The following TOLLIP variants were observed in gnomAD, a reference collection of about 807,000 sequenced individuals.
TOLLIP encodes the protein toll interacting protein, also known as toll-interacting protein.
Under a neutral mutation model 33.5 loss-of-function variants are expected in TOLLIP, and 16 were observed. The observed-to-expected ratio is 0.48, with a 90% CI of 0.32 to 0.72. The LOEUF (loss-of-function observed/expected upper bound fraction) is 0.72. TOLLIP is among the 30% of genes least tolerant of loss of function. The pLI is 0.03. For missense variants in TOLLIP, 325 were observed against 396.6 expected (o/e 0.82, Z 1.53); for synonymous variants, 176 against 163.7 (o/e 1.07, Z -0.57).
rs749635021 is a variant in TOLLIP at position 1,276,712 on chromosome 11, A to G, written c.*327T>C. 30 of 1,429,704 alleles carry G rather than the reference A, an allele frequency of 2.1e-5. No individual in the cohort carries two copies. In the South Asian group the frequency reaches 3.3e-4, roughly 16 times the overall value. 88.6% of individuals were successfully genotyped at this position (1,429,704 alleles called of 1,614,324 possible). On this transcript the variant is annotated 3_prime_UTR_variant, in exon 6 of 6. Coordinates refer to ENST00000317204, the MANE Select transcript of TOLLIP (RefSeq NM_019009.4). Reference sequence around the variant, plus strand: ...AATCGGAAGGCGCTCCACCACCTCCAACACCCTGGCAGAAGCAGCTGCTCT... The same window carrying G: ...AATCGGAAGGCGCTCCACCACCTCCGACACCCTGGCAGAAGCAGCTGCTCT...
rs116939577 is a variant in TOLLIP at position 1,288,639 on chromosome 11, G to A, written c.504C>T (p.Leu168=). ...TGCAGCTCACCGCGTAGGACATGAC[G>A]AGGTTGATCATGCCCTCCTTGTCGT... ...QGDDKEGMIN[L]VMSYALLPAA... is the part of the protein sequence containing the mutation. Residue 168 remains leucine (L), a synonymous_variant, in exon 4 of 6, where the codon CTC becomes CTT. Coordinates refer to ENST00000317204, the MANE Select transcript of TOLLIP (RefSeq NM_019009.4). 8.8e-3 allele frequency: 14,195 copies of A among 1,612,490 alleles called. 140 individuals carry two copies. The highest frequency in any genetic ancestry group is 0.03 in the South Asian group (2,718 of 91,046).
At chr11:1,296,463 G>A (rs1016776866) in intron 1 of TOLLIP, among the ~76,000 whole-genome samples, 4 of 152,244 alleles carry the variant, frequency 2.6e-5, no homozygotes, top group African/African-American at 4.8e-5. Flanking sequence ...CACCTGCAGC[G>A]GCCGAAGGGG....
chr11:1,304,593 A>T (rs746054511), intron 1 of TOLLIP, among the ~76,000 whole-genome samples: 7 of 152,236 alleles, frequency 4.6e-5, no homozygotes, highest in Admixed American at 1.3e-4. Context: ...ACAGACAATG[A>T]TTAACTTCTT....
chr11:1,293,093 G>A (rs1356136979), intron 2 of TOLLIP, among the ~76,000 whole-genome samples: 4 of 152,114 alleles, frequency 2.6e-5, no homozygotes, highest in South Asian at 2.1e-4. Context: ...TGAAGGTGGC[G>A]CCTGTGCTGA....
intron 5 of TOLLIP, among the ~76,000 whole-genome samples, chr11:1,285,608 T>A (rs569964981): frequency 6.6e-6 from 1 of 152,042 alleles, no homozygotes; most frequent in Admixed American, 6.5e-5. Context: ...AGGGCACGCG[T>A]CACCCAATGG....
intron 5 of TOLLIP, among the ~76,000 whole-genome samples, chr11:1,282,146 G>A (rs951736086): frequency 6.6e-6 from 1 of 152,222 alleles, no homozygotes; most frequent in African/African-American, 2.4e-5. Flanking sequence ...AACAGCTAAC[G>A]CCAGGGCTAA....
Position 1,298,116 on chromosome 11 carries a change from C to T in TOLLIP, c.34-2322G>A, listed in dbSNP as rs2271599. The T allele has an allele frequency of 9.8e-5, 15 of 152,446 alleles. No individual in the cohort carries two copies. In the East Asian group the frequency reaches 1.9e-3, roughly 20 times the overall value. 9.4% of individuals were successfully genotyped at this position (152,446 alleles called of 1,614,324 possible). A position where few individuals can be genotyped will look rare whatever the true frequency, so the allele number is the denominator to read the frequency against. Reference sequence around the variant, plus strand: ...ACGGGTTATCTTGCAGAAACAGACTCGTGCTAACCAAGTTCTCAGGACTAA... The same window carrying T: ...ACGGGTTATCTTGCAGAAACAGACTTGTGCTAACCAAGTTCTCAGGACTAA... On this transcript the variant is annotated intron_variant, in intron 1 of 5. Coordinates refer to ENST00000317204, the MANE Select transcript of TOLLIP (RefSeq NM_019009.4).
chr11:1,277,011 G>C lies in TOLLIP; in HGVS notation c.*28C>G, dbSNP rs1284883478. On this transcript the variant is annotated 3_prime_UTR_variant, in exon 6 of 6. Coordinates refer to ENST00000317204, the MANE Select transcript of TOLLIP (RefSeq NM_019009.4). The surrounding 1 kb of genome is among the most constrained non-coding windows in gnomAD (Gnocchi z 4.2). Reference sequence around the variant, plus strand: ...GCCGGGTCGGCGTGTCCAAAGAGCGGGGGCAAAACGGCATCGAGGCAGAGG... The same window carrying C: ...GCCGGGTCGGCGTGTCCAAAGAGCGCGGGCAAAACGGCATCGAGGCAGAGG... 2.5e-6 allele frequency: 4 copies of C among 1,606,194 alleles called. No individual in the cohort carries two copies. Among genetic ancestry groups the C allele is most frequent in the Non-Finnish European group, 3.4e-6 (4 of 1,173,986 alleles).
At chr11:1,305,029 G>C (rs771367841) in intron 1 of TOLLIP, among the ~76,000 whole-genome samples, 1 of 152,204 alleles carries the variant, frequency 6.6e-6, no homozygotes, top group African/African-American at 2.4e-5. Flanking sequence ...ATCATAGAAG[G>C]AAAAAGTACT....
intron 2 of TOLLIP, among the ~76,000 whole-genome samples, chr11:1,292,412 C>T (rs995988758): frequency 6.6e-6 from 1 of 152,238 alleles, no homozygotes; most frequent in Non-Finnish European, 1.5e-5. Context: ...GACTCCCCTG[C>T]CAGCATGCCC....
At chr11:1,281,855 C>A (rs1302065137) in intron 5 of TOLLIP, among the ~76,000 whole-genome samples, 1 of 152,228 alleles carries the variant, frequency 6.6e-6, no homozygotes, top group Non-Finnish European at 1.5e-5. Context: ...GAGAAGAAAA[C>A]CCTGGTGTGA....
intron 1 of TOLLIP, chr11:1,298,239 G>A (rs1036982332): frequency 1.3e-5 from 2 of 152,344 alleles, no homozygotes; most frequent in African/African-American, 2.4e-5. Context: ...CGTATCTCCT[G>A]GGCACACATG....
chr11:1,307,113 G>A (rs1355770558), intron 1 of TOLLIP, among the ~76,000 whole-genome samples: 1 of 152,182 alleles, frequency 6.6e-6, no homozygotes, highest in African/African-American at 2.4e-5. Flanking sequence ...CTGCATCATG[G>A]CCATCCTGAA....
chr11:1,289,185 G>T (rs1362741224), intron 3 of TOLLIP, among the ~76,000 whole-genome samples: 2 of 152,180 alleles, frequency 1.3e-5, no homozygotes, highest in Non-Finnish European at 2.9e-5. Context: ...AGGACACGGG[G>T]TCTGCCTCCC....
At chr11:1,295,904 T>C (rs1162736098) in intron 1 of TOLLIP, 110 bp from the exon 2 acceptor site, 3 of 1,369,196 alleles carry the variant, frequency 2.2e-6, no homozygotes, top group Non-Finnish European at 2.9e-6. Flanking sequence ...CATGTCCTTA[T>C]CAAGTCCTGG....
chr11:1,278,212 G>C lies in TOLLIP; in HGVS notation c.611-959C>G, dbSNP rs1430249895. On this transcript the variant is annotated intron_variant, in intron 5 of 5. Transcript: ENST00000317204. This position sits in a 1 kb window ranked among gnomAD's most constrained non-coding sequence, Gnocchi z 4.7. Reference sequence around the variant, plus strand: ...GGGGCTCAGCGACCAGTGAGGCACAGAGCACAGGCAGCGTGCGCGGGGCTC... The same window carrying C: ...GGGGCTCAGCGACCAGTGAGGCACACAGCACAGGCAGCGTGCGCGGGGCTC... 6.6e-6 allele frequency among the ~76,000 whole-genome samples: 1 copy of C among 151,770 alleles called. No homozygotes were observed. The highest frequency in any genetic ancestry group is 1.9e-4 in the East Asian group (1 of 5,180).
rs201951123 is a variant in TOLLIP at position 1,288,625 on chromosome 11, G to A, written c.518C>T (p.Ala173Val). The change falls in exon 4 of 6, where the codon GCG becomes GTG. Residue 173 changes from alanine (A) to valine (V), a missense_variant and splice_region_variant. Physicochemically the swap from Ala to Val is moderately conservative, Grantham distance 64 (BLOSUM62 0). Transcript: ENST00000317204. ...ACCCCGCCCAGGCGTGCAGCTCACC[G>A]CGTAGGACATGACGAGGTTGATCAT... ...EGMINLVMSY[A>V]LLPAAMVMPP... 5.0e-5 allele frequency: 80 copies of A among 1,611,266 alleles called. No individual in the cohort carries two copies. The highest frequency in any genetic ancestry group is 4.7e-4 in the East Asian group (21 of 44,856).
At chr11:1,299,935 CGGAGGT>C (rs1286301424) in intron 1 of TOLLIP, among the ~76,000 whole-genome samples, 1 of 152,200 alleles carries the variant, frequency 6.6e-6, no homozygotes, top group African/African-American at 2.4e-5. Flanking sequence ...GAGGCGGAGG[CGGAGGT>C]GCGGCACGAC....
intron 1 of TOLLIP, among the ~76,000 whole-genome samples, chr11:1,309,154 T>C (rs2133939731): frequency 6.7e-6 from 1 of 148,952 alleles, no homozygotes; most frequent in Non-Finnish European, 1.5e-5. Context: ...TGGGGCACCA[T>C]GGGGCACGGG....
Sources: allele counts gnomAD v4.1 joint callset (sites outside exome capture counted in the v4.1 genomes callset), GRCh38; gene constraint gnomAD v4.1.1; non-coding constraint Gnocchi (gnomAD v3.1); transcripts MANE v1.5; gene names NCBI Gene and HGNC (gene_info 2026-07-23, HGNC 2026-07-21).